MEGF6: variants seen among roughly 807,000 people sequenced by gnomAD.
MEGF6 encodes the protein multiple epidermal growth factor-like domains protein 6.
A neutral mutation model predicts 207.1 loss-of-function variants in MEGF6; 184 were observed. The ratio of observed to expected loss-of-function variants is 0.89; its 90% CI spans 0.79 to 1.00. MEGF6 has a LOEUF of 1.00. MEGF6 is among the 50% of genes least tolerant of loss of function. The probability of loss-of-function intolerance (pLI) is 0.00; values close to 1 mark genes in which losing one functional copy is unlikely to be tolerated. For missense variants in MEGF6, 2,282 were observed against 2,202.9 expected (o/e 1.04, Z -0.72); for synonymous variants, 1,038 against 910.0 (o/e 1.14, Z -2.53).
intron 17 of MEGF6, among the ~76,000 whole-genome samples, chr1:3,504,866 C>A (rs1022515882): frequency 2.0e-5 from 3 of 152,184 alleles, no homozygotes; most frequent in Non-Finnish European, 4.4e-5. Flanking sequence ...GCTGCCCCGG[C>A]CTCTGAGAGA....
intron 4 of MEGF6, among the ~76,000 whole-genome samples, chr1:3,570,309 G>A (rs1046269947): frequency 8.6e-5 from 13 of 151,540 alleles, no homozygotes; most frequent in African/African-American, 4.9e-5. Flanking sequence ...TGCCCTGCCC[G>A]CTCAACCCAC....
At chr1:3,599,413 C>G (rs2101867998) in intron 2 of MEGF6, among the ~76,000 whole-genome samples, 1 of 152,344 alleles carries the variant, frequency 6.6e-6, no homozygotes, top group Non-Finnish European at 1.5e-5. Flanking sequence ...CACCCTGCAT[C>G]CTGCTCCAAC....
intron 17 of MEGF6, among the ~76,000 whole-genome samples, chr1:3,503,531 G>A (rs999354135): frequency 1.2e-4 from 18 of 152,070 alleles, no homozygotes; most frequent in African/African-American, 3.9e-4. Flanking sequence ...TGGGGGCTCC[G>A]GGAGTGGTGG....
chr1:3,549,132 A>G (rs7539836), intron 4 of MEGF6, among the ~76,000 whole-genome samples: 44,027 of 152,160 alleles, frequency 0.29, 10,842 homozygotes, highest in African/African-American at 0.68. Context: ...GTCCCCAGCC[A>G]GACCATGCAA....
intron 7 of MEGF6, among the ~76,000 whole-genome samples, chr1:3,513,337 G>A (rs879402690): frequency 6.6e-5 from 10 of 151,754 alleles, no homozygotes; most frequent in Non-Finnish European, 1.5e-4. Context: ...TCAGCCTTCC[G>A]AGTAGCTGGG....
chr1:3,500,289 C>T (rs1257940184), intron 21 of MEGF6, among the ~76,000 whole-genome samples: 1 of 152,232 alleles, frequency 6.6e-6, no homozygotes, highest in Non-Finnish European at 1.5e-5. Context: ...AGGCCTCCCA[C>T]AGTGGGGGAC....
In MEGF6 at chr1:3,509,879, C is replaced by A; in HGVS notation, c.1348G>T (p.Gly450Cys). 1 of 1,559,070 alleles carries A rather than the reference C, an allele frequency of 6.4e-7. No individual in the cohort carries two copies. Among genetic ancestry groups the A allele is most frequent in the Non-Finnish European group, 8.7e-7 (1 of 1,154,110 alleles). The change falls in exon 11 of 37, where the codon GGC becomes TGC. Residue 450 changes from glycine to cysteine, a missense_variant. Physicochemically the swap from Gly to Cys is radical, Grantham distance 159. Transcript: ENST00000356575. Reference sequence around the variant, plus strand: ...AGGGCGGGAGACTCACGGCTGCAGCCCCTACGGTCCTCGTGCAGCCGGTAG... The same window carrying A: ...AGGGCGGGAGACTCACGGCTGCAGCACCTACGGTCCTCGTGCAGCCGGTAG... ...AGYRLHEDRR[G>C]CSPLEEPMVD... is the part of the protein sequence containing the mutation.
intron 4 of MEGF6, among the ~76,000 whole-genome samples, chr1:3,527,337 T>G (rs1166958688): frequency 1.3e-5 from 2 of 152,186 alleles, no homozygotes; most frequent in Admixed American, 1.3e-4. Context: ...CTGCTGCCCA[T>G]CCACGCTCTG....
At position 3,583,196 on chromosome 1, in the gene MEGF6, G is replaced by A. The variant is rs551104663; in HGVS notation, c.377-3267C>T. Among the ~76,000 whole-genome samples, 21 of 152,262 alleles carry A rather than the reference G, an allele frequency of 1.4e-4. No individual in the cohort carries two copies. The South Asian group carries it at 3.1e-3, about 23-fold the overall frequency. On this transcript the variant is annotated intron_variant, in intron 3 of 36. Coordinates refer to ENST00000356575, the MANE Select transcript of MEGF6 (RefSeq NM_001409.4). The stretch of plus-strand genomic sequence containing the variant: ...GATGCGCAAAGCTGCGCTCCAAACC[G>A]AGAGCAGGTGTTCCTGGTAGACACC...
chr1:3,510,057 C>T (rs1641280569), intron 10 of MEGF6, 65 bp from the exon 11 acceptor site: 1 of 1,539,836 alleles, frequency 6.5e-7, no homozygotes, highest in African/African-American at 1.4e-5. Context: ...GGCCCCTGCC[C>T]ACCCAGTCCT....
chr1:3,578,549 C>G (rs1033623837), intron 4 of MEGF6, among the ~76,000 whole-genome samples: 17 of 149,410 alleles, frequency 1.1e-4, no homozygotes, highest in Admixed American at 5.3e-4. Context: ...GGGGGGGGGG[C>G]CCTTTCGTCC....
intron 4 of MEGF6, among the ~76,000 whole-genome samples, chr1:3,538,861 G>A (rs964602887): frequency 1.3e-5 from 2 of 152,192 alleles, no homozygotes; most frequent in Non-Finnish European, 2.9e-5. Flanking sequence ...GTAGCCCCCA[G>A]GCAAGGCCAG....
intron 25 of MEGF6, 34 bp downstream of exon 25, chr1:3,498,663 TG>T (rs1195294963): frequency 2.0e-6 from 3 of 1,529,602 alleles, no homozygotes; most frequent in Non-Finnish European, 2.6e-6. Context: ...CCAAGCATGC[TG>T]GGGTATGTCC....
chr1:3,534,436 A>G (rs1193458800), intron 4 of MEGF6, among the ~76,000 whole-genome samples: 5 of 152,144 alleles, frequency 3.3e-5, no homozygotes, highest in Non-Finnish European at 5.9e-5. Context: ...TTTCTGTTGG[A>G]CAGCCCCAGC....
upstream of MEGF6, among the ~76,000 whole-genome samples, chr1:3,613,687 C>T (rs937790119): frequency 6.6e-6 from 1 of 152,016 alleles, no homozygotes; most frequent in African/African-American, 2.4e-5. Context: ...CAGCCTGAAA[C>T]GTATAAAATG....
At chr1:3,607,776 C>T (rs1478785657) in intron 1 of MEGF6, among the ~76,000 whole-genome samples, 1 of 152,234 alleles carries the variant, frequency 6.6e-6, no homozygotes, top group African/African-American at 2.4e-5. Flanking sequence ...ACAAAGTGGA[C>T]CTGGTGCAGT....
intron 4 of MEGF6, among the ~76,000 whole-genome samples, chr1:3,559,400 T>C (rs1210784737): frequency 6.6e-6 from 1 of 151,714 alleles, no homozygotes; most frequent in Admixed American, 6.6e-5. Flanking sequence ...CACACACCTA[T>C]AATCCCAGTG....
rs1643150789 is a variant in MEGF6, at chr1:3,560,025, A to C, written c.481+19800T>G. Among the ~76,000 whole-genome samples, 1 of 151,102 alleles carries C rather than the reference A, an allele frequency of 6.6e-6. No individual in the cohort carries two copies. The highest frequency in any genetic ancestry group is 1.5e-5 in the Non-Finnish European group (1 of 67,708). On this transcript the variant is annotated intron_variant, in intron 4 of 36. Coordinates refer to ENST00000356575, the MANE Select transcript of MEGF6 (RefSeq NM_001409.4). This position sits in a 1 kb window ranked among gnomAD's most constrained non-coding sequence, Gnocchi z 4.0. Reference sequence around the variant, plus strand: ...AGTCCGTCTCAAAATAAAAGAAAAAAAAAAAAAAAAAGGAAACACGATGAG... The same window carrying C: ...AGTCCGTCTCAAAATAAAAGAAAAACAAAAAAAAAAAGGAAACACGATGAG...
the MEGF6 span, chr1:3,624,771 C>T: frequency 5.3e-6 from 1 of 186,926 alleles, no homozygotes; most frequent in Non-Finnish European, 1.1e-5. Context: ...TTCGGCCCCG[C>T]CCCTTCTCGT....
Sources: gnomAD v4.1 joint callset for allele counts (sites outside exome capture counted in the v4.1 genomes callset) on GRCh38, gnomAD v4.1.1 for gene constraint, Gnocchi (gnomAD v3.1) non-coding constraint, MANE v1.5 for transcripts, NCBI Gene and HGNC (gene_info 2026-07-23, HGNC 2026-07-21) for gene names.